Variants in MROH7 observed in about 807,000 individuals in gnomAD.
MROH7 encodes the protein maestro heat like repeat family member 7, also known as maestro heat-like repeat-containing protein family member 7.
MROH7 carries 113 observed loss-of-function variants against 129.2 expected under a neutral mutation model. The ratio of observed to expected loss-of-function variants is 0.87; its 90% CI spans 0.75 to 1.02. The LOEUF (loss-of-function observed/expected upper bound fraction) is 1.02. Ranked by LOEUF, MROH7 falls within the 50% of genes least tolerant of loss-of-function variation. The pLI, the probability that MROH7 is intolerant of heterozygous loss-of-function variation, is 0.00. For missense variants in MROH7, 1,601 were observed against 1,671.3 expected (o/e 0.96, Z 0.73); for synonymous variants, 655 against 667.9 (o/e 0.98, Z 0.30).
chr1:54,692,010 T>C (rs575153941), intron 15 of MROH7, among the ~76,000 whole-genome samples: 2 of 151,932 alleles, frequency 1.3e-5, no homozygotes, highest in South Asian at 2.1e-4. Flanking sequence ...GTCTCGTCAG[T>C]TGGTAGGTCA....
Position 54,692,446 on chromosome 1 carries a change from AC to A in MROH7, c.2737del (p.Leu913CysfsTer3). ...PVRWVVKVVK[T>X]LLLRMGCSYE... is the part of the protein sequence containing the mutation. ...CAGCTGGGTGGTGAAAGTGGTGAAA[AC>A]CCTGCTACTGAGGATGGGCTGCTCT... On this transcript the variant is annotated frameshift_variant, in exon 16 of 24. Coordinates refer to ENST00000421030, the MANE Select transcript of MROH7 (RefSeq NM_001039464.4). LOFTEE classifies it high-confidence loss of function. 1.2e-6 allele frequency: 2 copies of A among 1,613,660 alleles called. No homozygotes were observed. The highest frequency in any genetic ancestry group is 1.7e-6 in the Non-Finnish European group (2 of 1,179,878).
chr1:54,658,146 T>C (rs1171879434), intron 3 of MROH7, among the ~76,000 whole-genome samples: 1 of 152,218 alleles, frequency 6.6e-6, no homozygotes, highest in African/African-American at 2.4e-5. Flanking sequence ...ACTGTTTCTA[T>C]GATTTTCACT....
At position 54,690,794 on chromosome 1, in the gene MROH7, A is replaced by G. The variant is rs1645224850; in HGVS notation, c.2712-1630A>G. ...TATTCATCAGGCAACACAAATGAGG[A>G]CTGGGAGGACTGGCCAAGCCATGGC... On this transcript the variant is annotated intron_variant, in intron 15 of 23. Coordinates refer to ENST00000421030, the MANE Select transcript of MROH7 (RefSeq NM_001039464.4). 6.6e-5 allele frequency among the ~76,000 whole-genome samples: 10 copies of G among 152,278 alleles called. 1 individual carries two copies. Among genetic ancestry groups the G allele is most frequent in the Admixed American group, 6.5e-4 (10 of 15,294 alleles).
Position 54,654,119 on chromosome 1 carries a change from C to A in MROH7, c.1193C>A (p.Ala398Glu). 1 of 1,613,444 alleles carries A rather than the reference C, an allele frequency of 6.2e-7. No individual in the cohort carries two copies. The highest frequency in any genetic ancestry group is 8.5e-7 in the Non-Finnish European group (1 of 1,179,680). ...FPLGFPISNP[A>E]GKDAVTLQGI... ...CTGGGATTCCCCATCTCCAACCCCG[C>A]AGGCAAGGACGCCGTGACCTTGCAA... The change falls in exon 3 of 24, where the codon GCA (alanine) becomes GAA (glutamate). Residue 398 changes from alanine to glutamate, a missense_variant. Coordinates refer to ENST00000421030, the MANE Select transcript of MROH7 (RefSeq NM_001039464.4).
At chr1:54,678,186 G>A (rs960094409) in intron 10 of MROH7, among the ~76,000 whole-genome samples, 1 of 152,132 alleles carries the variant, frequency 6.6e-6, no homozygotes, top group African/African-American at 2.4e-5. Context: ...CTATGACCCA[G>A]CAATCCATTC....
intron 3 of MROH7, 136 bp from the exon 4 acceptor site, chr1:54,665,031 G>T: frequency 1.6e-6 from 1 of 615,422 alleles, no homozygotes; most frequent in Non-Finnish European, 2.9e-6. Context: ...AAAAGGAAAA[G>T]AAAAGAAAGC....
chr1:54,686,322 A>C lies in MROH7; in HGVS notation c.2585A>C (p.Tyr862Ser), dbSNP rs757291963. The C allele has an allele frequency of 6.2e-7, 1 of 1,613,982 alleles. No individual in the cohort carries two copies. Among genetic ancestry groups the C allele is most frequent in the Non-Finnish European group, 8.5e-7 (1 of 1,179,982 alleles). The change falls in exon 15 of 24, where the codon TAC (tyrosine) becomes TCC (serine). Residue 862 changes from tyrosine (Y) to serine (S), a missense_variant. Tyr to Ser is a moderately radical substitution (Grantham distance 144, BLOSUM62 -2). Transcript: ENST00000421030. ...NSCMGRVRRI[Y>S]PQLLLALLIQ... Reference sequence around the variant, plus strand: ...TGCATGGGCCGTGTGAGGCGCATCTACCCTCAGCTGCTCCTGGCCCTGCTC... The same window carrying C: ...TGCATGGGCCGTGTGAGGCGCATCTCCCCTCAGCTGCTCCTGGCCCTGCTC...
intron 10 of MROH7, among the ~76,000 whole-genome samples, chr1:54,675,660 C>T (rs933392655): frequency 7.3e-5 from 11 of 151,370 alleles, no homozygotes; most frequent in Non-Finnish European, 1.0e-4. Flanking sequence ...TGCGGTGGCA[C>T]GATCTCGGCT....
intron 7 of MROH7, among the ~76,000 whole-genome samples, chr1:54,671,835 T>C (rs1255939732): frequency 6.6e-6 from 1 of 151,580 alleles, no homozygotes; most frequent in African/African-American, 2.4e-5. Flanking sequence ...TGGTATCAAA[T>C]AAATAAATAC....
chr1:54,670,754 G>A (rs749214862), intron 6 of MROH7, 46 bp from the exon 7 acceptor site: 33 of 1,576,336 alleles, frequency 2.1e-5, no homozygotes, highest in Non-Finnish European at 2.7e-5. Context: ...TATAGCCATA[G>A]GGCCCCTCTC....
intron 3 of MROH7, among the ~76,000 whole-genome samples, chr1:54,662,613 G>GC (rs1557698028): frequency 6.6e-6 from 1 of 151,874 alleles, no homozygotes; most frequent in East Asian, 1.9e-4. Flanking sequence ...TCCAAATGAT[G>GC]CCCCATCACC....
At chr1:54,682,010 G>C (rs1645074972) in intron 13 of MROH7, among the ~76,000 whole-genome samples, 1 of 152,108 alleles carries the variant, frequency 6.6e-6, no homozygotes, top group South Asian at 2.1e-4. Context: ...TGAGTGTCTT[G>C]AATCCTTGTT....
At chr1:54,690,797 G>A (rs1383149022) in intron 15 of MROH7, among the ~76,000 whole-genome samples, 1 of 152,196 alleles carries the variant, frequency 6.6e-6, no homozygotes, top group Non-Finnish European at 1.5e-5. Context: ...AATGAGGACT[G>A]GGAGGACTGG....
intron 10 of MROH7, among the ~76,000 whole-genome samples, chr1:54,676,435 A>G (rs915338013): frequency 1.3e-5 from 2 of 151,932 alleles, no homozygotes; most frequent in Non-Finnish European, 2.9e-5. Flanking sequence ...TTTGAGATGG[A>G]GTGTAGCTCT....
intron 4 of MROH7, among the ~76,000 whole-genome samples, chr1:54,666,908 A>G (rs931665436): frequency 6.6e-6 from 1 of 152,088 alleles, no homozygotes; most frequent in African/African-American, 2.4e-5. Flanking sequence ...GTAGATCTGG[A>G]TCTTAGGCAA....
At position 54,680,046 on chromosome 1, in the gene MROH7, G is replaced by C. The variant is rs1171786749; in HGVS notation, c.2381+1G>C. On this transcript the variant is annotated splice_donor_variant, in intron 13 of 23. Transcript: ENST00000421030. LOFTEE classifies it high-confidence loss of function. Reference sequence around the variant, plus strand: ...TCATGTGCCCCCTCCCACTGAACAGGTACCAAGTGAAGGGGTTCCCAGCCA... The same window carrying C: ...TCATGTGCCCCCTCCCACTGAACAGCTACCAAGTGAAGGGGTTCCCAGCCA... 4.3e-6 allele frequency: 7 copies of C among 1,612,932 alleles called. No individual in the cohort carries two copies. The highest frequency in any genetic ancestry group is 5.1e-6 in the Non-Finnish European group (6 of 1,179,266).
chr1:54,680,664 G>T (rs1645055205), intron 13 of MROH7, among the ~76,000 whole-genome samples: 1 of 152,220 alleles, frequency 6.6e-6, no homozygotes, highest in Non-Finnish European at 1.5e-5. Flanking sequence ...TGGTGAGCTC[G>T]TGGGCAGGAG....
intron 1 of MROH7, among the ~76,000 whole-genome samples, chr1:54,647,740 TG>T (rs1350963675): frequency 1.1e-4 from 3 of 26,152 alleles, no homozygotes; most frequent in Admixed American, 3.1e-4. Context: ...AACTCTGTAT[TG>T]AAAAAAAAAA....
intron 1 of MROH7, 139 bp from the exon 2 acceptor site, chr1:54,651,810 C>CTCTCTGTGTGTGTGTGTGTGTG (rs148778686): frequency 1.3e-4 from 19 of 141,520 alleles, no homozygotes; most frequent in African/African-American, 5.3e-4. Context: ...CTCTCTCTCT[C>CTCTCTGTGTGTGTGTGTGTGTG]TGTGTGTGTG....
Sources: gnomAD v4.1 joint callset for allele counts (sites outside exome capture counted in the v4.1 genomes callset) on GRCh38, gnomAD v4.1.1 for gene constraint, MANE v1.5 for transcripts, NCBI Gene and HGNC (gene_info 2026-07-23, HGNC 2026-07-21) for gene names.